The following RCOR2 variants were observed in gnomAD, a reference collection of about 807,000 sequenced individuals.
RCOR2 encodes REST corepressor 2.
RCOR2 carries 19 observed loss-of-function variants against 58.9 expected under a neutral mutation model. That is an observed-to-expected ratio of 0.32 (90% confidence interval 0.23 to 0.47). The LOEUF (loss-of-function observed/expected upper bound fraction) is 0.47. RCOR2 is among the 20% of genes least tolerant of loss of function. The pLI, the probability that RCOR2 is intolerant of heterozygous loss-of-function variation, is 1.00. For missense variants in RCOR2, 590 were observed against 707.9 expected, an observed-to-expected ratio of 0.83 and a Z score of 1.89; for synonymous variants, 286 against 278.7, an observed-to-expected ratio of 1.03 and a Z score of -0.26.
At chr11:63,918,910 C>A (rs1941897120), upstream of RCOR2, among the ~76,000 whole-genome samples, 1 of 152,110 alleles carries the variant, frequency 6.6e-6, no homozygotes, top group African/African-American at 2.4e-5. Flanking sequence ...CCCCAGGTAC[C>A]CCCAGTCTCT....
At chr11:63,913,544 G>A (rs1415935537) in intron 8 of RCOR2, among the ~76,000 whole-genome samples, 1 of 149,822 alleles carries the variant, frequency 6.7e-6, no homozygotes, top group Non-Finnish European at 1.5e-5. Flanking sequence ...GTGCAGTGGT[G>A]CAATCTCAGC....
rs1409647882 is a variant in RCOR2, at chr11:63,916,909, CG to C, written c.-454del. The C allele has an allele frequency of 6.5e-6, 1 of 153,612 alleles. No homozygotes were observed. Among genetic ancestry groups the C allele is most frequent in the African/African-American group, 2.4e-5 (1 of 41,426 alleles). The allele number at this position is 153,612 out of a possible 1,614,324, so 9.5% of individuals were successfully genotyped here. A position where few individuals can be genotyped will look rare whatever the true frequency, so the allele number is the denominator to read the frequency against. On this transcript the variant is annotated 5_prime_UTR_variant, in exon 1 of 12. Transcript: ENST00000301459. ...GCTGCGCCGGGGATGCCCCAGTCCC[CG>C]GGCGGGGACCCGTGTCCTAAGCAGA...
chr11:63,925,017 A>AT, the RCOR2 span, among the ~76,000 whole-genome samples: 18 of 151,142 alleles, frequency 1.2e-4, no homozygotes, highest in Admixed American at 9.2e-4. Flanking sequence ...CGCCCAGCTA[A>AT]TTTTTTTGTA....
rs1005190092 is a variant in RCOR2, at chr11:63,912,120, G to GGGT, written c.1314_1316dup (p.Pro443dup). ...GGGACAGCGAGGTGGGAGGTGGAGG[G>GGGT]GGTGGTGGCGCAGGGGGCACTGATC... On this transcript the variant is annotated inframe_insertion, in exon 12 of 12. Transcript: ENST00000301459. 27 of 1,507,696 alleles carry GGGT rather than the reference G, an allele frequency of 1.8e-5. No individual in the cohort carries two copies. The highest frequency in any genetic ancestry group is 2.3e-5 in the Non-Finnish European group (26 of 1,132,568). The allele number at this position is 1,507,696 out of a possible 1,614,324, so 93.4% of individuals were successfully genotyped here.
upstream of RCOR2, among the ~76,000 whole-genome samples, chr11:63,919,280 G>A (rs1445815113): frequency 6.6e-6 from 1 of 152,000 alleles, no homozygotes; most frequent in Non-Finnish European, 1.5e-5. Context: ...GAGGGGCAAG[G>A]CCCCACCCCT....
rs1248094940 is a variant in RCOR2, at chr11:63,915,563, C to T, written c.176G>A (p.Cys59Tyr). 1 of 1,561,592 alleles carries T rather than the reference C, an allele frequency of 6.4e-7. No individual in the cohort carries two copies. Among genetic ancestry groups the T allele is most frequent in the Non-Finnish European group, 8.7e-7 (1 of 1,152,108 alleles). The change falls in exon 2 of 12, where the codon TGC (cysteine) becomes TAC (tyrosine). Residue 59 changes from cysteine (C) to tyrosine (Y), a missense_variant. Around this residue, in one of 3 missense-constraint regions of RCOR2, gnomAD observed 390 missense variants for 478.7 expected, o/e 0.81. Transcript: ENST00000301459. ...CCTGTCCTGCGGCTCACCAGGCTTGCACTCCGGAATTACGGCCTGGTAATT... is the reference window on the plus strand; with the variant it reads ...CCTGTCCTGCGGCTCACCAGGCTTGTACTCCGGAATTACGGCCTGGTAATT... ...GTNYQAVIPE[C>Y]KPESPARYSN...
intron 10 of RCOR2, 49 bp downstream of exon 10, chr11:63,912,627 G>A: frequency 1.2e-6 from 2 of 1,602,124 alleles, no homozygotes; most frequent in South Asian, 2.2e-5. Flanking sequence ...CTTGGAGGGT[G>A]GGGAGATAGA....
intron 3 of RCOR2, 52 bp from the exon 4 acceptor site, chr11:63,915,006 C>A: frequency 6.2e-7 from 1 of 1,608,000 alleles, no homozygotes; most frequent in Non-Finnish European, 8.5e-7. Context: ...TAGCTCCTAA[C>A]CCAGGCCTGT....
At chr11:63,923,924 T>C in the RCOR2 span, among the ~76,000 whole-genome samples, 5 of 152,376 alleles carry the variant, frequency 3.3e-5, no homozygotes, top group Admixed American at 1.3e-4. Context: ...TATTTATTCA[T>C]TGAGGCGGAG....
chr11:63,923,754 C>A, the RCOR2 span, among the ~76,000 whole-genome samples: 1 of 152,172 alleles, frequency 6.6e-6, no homozygotes, highest in Non-Finnish European at 1.5e-5. Context: ...CAGCCCAGAC[C>A]CCTGACCCCA....
chr11:63,916,292 A>C, intron 1 of RCOR2, 38 bp downstream of exon 1: 1 of 1,537,040 alleles, frequency 6.5e-7, no homozygotes, highest in Non-Finnish European at 8.8e-7. Flanking sequence ...CGCTCCCCCC[A>C]GGCCGGCGCG....
At chr11:63,913,019 C>G (rs1478618778) in intron 8 of RCOR2, 72 bp from the exon 9 acceptor site, 5 of 1,305,472 alleles carry the variant, frequency 3.8e-6, no homozygotes. Flanking sequence ...TCACAGGACC[C>G]TACTTCTGCA....
chr11:63,915,251 G>A lies in RCOR2; in HGVS notation c.192C>T (p.Pro64=), dbSNP rs754428923. 8 of 1,551,158 alleles carry A rather than the reference G, an allele frequency of 5.2e-6. No individual in the cohort carries two copies. The highest frequency in any genetic ancestry group is 4.4e-6 in the Non-Finnish European group (5 of 1,146,954). The change falls in exon 3 of 12, where the codon CCC becomes CCT. Residue 64 remains proline, a synonymous_variant. Coordinates refer to ENST00000301459, the MANE Select transcript of RCOR2 (RefSeq NM_173587.4). ...TCAGCTCCTTGTTGCTGTAGCGTGC[G>A]GGGCTCTCTGAAAGGCCGAGGAGCA... ...AVIPECKPES[P]ARYSNKELKG... is the part of the protein sequence containing the mutation.
intron 10 of RCOR2, 63 bp downstream of exon 10, chr11:63,912,600 CCTCTGCCCCCCCA>C (rs1468306704): frequency 6.3e-7 from 1 of 1,592,458 alleles, no homozygotes. Context: ...TGACCCTTCC[CCTCTGCCCCCCCA>C]CTCCTTGGAG....
chr11:63,915,381 G>A lies in RCOR2; in HGVS notation c.185-123C>T, dbSNP rs909080369. The A allele has an allele frequency of 8.9e-6, 10 of 1,117,330 alleles. No individual in the cohort carries two copies. In the African/African-American group the frequency reaches 1.4e-4, roughly 16 times the overall value. The allele number at this position is 1,117,330 out of a possible 1,614,324, so 69.2% of individuals were successfully genotyped here. On this transcript the variant is annotated intron_variant, in intron 2 of 11. Coordinates refer to ENST00000301459, the MANE Select transcript of RCOR2 (RefSeq NM_173587.4). ...AGGTTGAGGCCCAGAAGGGAAGGAG[G>A]GGCAGAGACCCAGACAGGAAGGCAG...
the RCOR2 span, among the ~76,000 whole-genome samples, chr11:63,926,254 A>AT: frequency 6.6e-6 from 1 of 151,590 alleles, no homozygotes; most frequent in Non-Finnish European, 1.5e-5. Flanking sequence ...AGGCCAATAC[A>AT]TTTTTTCCTT....
At chr11:63,912,259 C>G (rs776545953) in intron 11 of RCOR2, 46 bp downstream of exon 11, 2 of 1,596,950 alleles carry the variant, frequency 1.3e-6, no homozygotes, top group Admixed American at 1.7e-5. Flanking sequence ...CGCCTCACCT[C>G]GCCTCGCCTC....
At chr11:63,926,801 T>TG in the RCOR2 span, among the ~76,000 whole-genome samples, 2 of 124,006 alleles carry the variant, frequency 1.6e-5, no homozygotes, top group East Asian at 4.1e-4. Context: ...TGTTTTGTTT[T>TG]TTTTGTTGTT....
Position 63,915,180 on chromosome 11 carries a change from T to C in RCOR2, c.263A>G (p.Lys88Arg). Residue 88 changes from lysine (K) to arginine (R), a missense_variant and splice_region_variant, in exon 3 of 12, where the codon AAG (lysine) becomes AGG (arginine). By Grantham distance (26) the Lys-to-Arg change is conservative. This residue lies in a region of RCOR2 where 390 missense variants were observed against 478.7 expected (regional missense o/e 0.81). Coordinates refer to ENST00000301459, the MANE Select transcript of RCOR2 (RefSeq NM_173587.4). ...TCCCAGGGCTGTGCCCCACTCACGC[T>C]TGGCATCTGACACACAGTGGTTGGG... ...WSPNHCVSDA[K>R]LDKYIAMAKE... The C allele has an allele frequency of 6.4e-7, 1 of 1,551,410 alleles. No individual in the cohort carries two copies. Among genetic ancestry groups the C allele is most frequent in the Non-Finnish European group, 8.7e-7 (1 of 1,146,868 alleles).
Sources: allele counts gnomAD v4.1 joint callset (sites outside exome capture counted in the v4.1 genomes callset), GRCh38; gene constraint gnomAD v4.1.1; regional missense constraint gnomAD v4.1.1; transcripts MANE v1.5; gene names NCBI Gene and HGNC (gene_info 2026-07-23, HGNC 2026-07-21).